TBC1D22A: variants seen among roughly 807,000 people sequenced by gnomAD.
The protein encoded by TBC1D22A is TBC1 domain family member 22A.
A neutral mutation model predicts 60.2 loss-of-function variants in TBC1D22A; 38 were observed. That is an observed-to-expected ratio of 0.63 (90% confidence interval 0.49 to 0.83). The LOEUF is 0.83. Among genes scored for constraint, TBC1D22A ranks in the 40% least tolerant of loss-of-function variants. The pLI is 0.00. For missense variants in TBC1D22A, 628 were observed against 701.0 expected (o/e 0.90, Z 1.18); for synonymous variants, 302 against 281.7 (o/e 1.07, Z -0.72).
chr22:47,015,851 C>T (rs182446917), intron 10 of TBC1D22A, among the ~76,000 whole-genome samples: 1 of 152,314 alleles, frequency 6.6e-6, no homozygotes, highest in African/African-American at 2.4e-5. Context: ...AGCCTGGAGC[C>T]AGGCCAGCCG....
intron 9 of TBC1D22A, among the ~76,000 whole-genome samples, chr22:46,984,405 A>AAAG (rs1569304186): frequency 5.2e-5 from 7 of 135,306 alleles, no homozygotes; most frequent in Non-Finnish European, 9.4e-5. Flanking sequence ...AAAAAAAAAA[A>AAAG]AGAGAAGTTC....
At chr22:46,885,984 T>A (rs1399210884) in intron 5 of TBC1D22A, among the ~76,000 whole-genome samples, 1 of 150,918 alleles carries the variant, frequency 6.6e-6, no homozygotes, top group Non-Finnish European at 1.5e-5. Context: ...CTTGGCTCAC[T>A]GCACGCTCCG....
chr22:46,913,378 A>C, intron 8 of TBC1D22A: 2 of 1,366,466 alleles, frequency 1.5e-6, no homozygotes, highest in Non-Finnish European at 2.0e-6. Flanking sequence ...CCTTGCTGTG[A>C]TCTGGAGAGA....
chr22:46,917,850 C>T (rs556147089), intron 8 of TBC1D22A, among the ~76,000 whole-genome samples: 4 of 152,230 alleles, frequency 2.6e-5, no homozygotes, highest in African/African-American at 9.6e-5. Flanking sequence ...TGGGGCTGTC[C>T]CACAGGGAGG....
At chr22:46,921,228 G>A (rs1230541451) in intron 8 of TBC1D22A, among the ~76,000 whole-genome samples, 1 of 152,102 alleles carries the variant, frequency 6.6e-6, no homozygotes, top group Non-Finnish European at 1.5e-5. Context: ...TCTCGATTCT[G>A]ACCCTCCTCC....
intron 8 of TBC1D22A, chr22:46,914,008 TCA>T (rs1491463978): frequency 1.9e-5 from 3 of 154,784 alleles, no homozygotes; most frequent in Admixed American, 1.3e-4. Flanking sequence ...TGCATCGCCG[TCA>T]CACACGCAGG....
intron 5 of TBC1D22A, 31 bp from the exon 6 acceptor site, chr22:46,891,235 C>T: frequency 6.3e-7 from 1 of 1,588,226 alleles, no homozygotes; most frequent in Non-Finnish European, 8.5e-7. Flanking sequence ...TAGCTATAAC[C>T]ATGTATATTT....
At chr22:46,767,770 G>A (rs2083336085) in intron 1 of TBC1D22A, among the ~76,000 whole-genome samples, 1 of 152,052 alleles carries the variant, frequency 6.6e-6, no homozygotes, top group East Asian at 1.9e-4. Flanking sequence ...GGGAAGAGCG[G>A]TCCTGGCAGA....
intron 4 of TBC1D22A, among the ~76,000 whole-genome samples, chr22:46,875,130 ATGG>A (rs2067492039): frequency 6.6e-6 from 1 of 152,212 alleles, no homozygotes; most frequent in South Asian, 2.1e-4. Flanking sequence ...CAGCCTATTT[ATGG>A]TAAAAATCAG....
Position 47,029,887 on chromosome 22 carries a change from C to T in TBC1D22A, c.1202-7184C>T, listed in dbSNP as rs141389250. ...CTGCTTCCCCCAGAGTGGCCTGGGC[C>T]GGGGCTGCTGCTCGTCCTGGGTCTC... On this transcript the variant is annotated intron_variant, in intron 10 of 12. Transcript: ENST00000337137. Among the ~76,000 whole-genome samples the T allele has an allele frequency of 3.0e-3, 461 of 152,364 alleles. 1 individual carries two copies. The highest frequency in any genetic ancestry group is 0.013 in the South Asian group (65 of 4,830).
intron 7 of TBC1D22A, among the ~76,000 whole-genome samples, chr22:46,903,012 A>G (rs1015688211): frequency 2.0e-5 from 3 of 152,206 alleles, no homozygotes; most frequent in Non-Finnish European, 4.4e-5. Context: ...TCCACTCTGG[A>G]GGGTCATGCC....
Position 46,966,878 on chromosome 22 carries a change from G to A in TBC1D22A, c.1016-7412G>A, listed in dbSNP as rs141210938. Among the ~76,000 whole-genome samples, 10 of 152,328 alleles carry A rather than the reference G, an allele frequency of 6.6e-5. No homozygotes were observed. In the East Asian group the frequency reaches 1.9e-3, roughly 29 times the overall value. ...CTCCTGACTGCGGGTCTGCTTGCGG[G>A]TGGTGGGATGGGAAACAGCTATGCT... On this transcript the variant is annotated intron_variant, in intron 8 of 12. Transcript: ENST00000337137.
At chr22:46,784,023 T>G (rs2084053809) in intron 1 of TBC1D22A, among the ~76,000 whole-genome samples, 1 of 152,224 alleles carries the variant, frequency 6.6e-6, no homozygotes, top group Admixed American at 6.5e-5. Flanking sequence ...CAAAGCAGTT[T>G]AATTCATTAA....
At chr22:46,829,830 G>A (rs2086231442) in intron 4 of TBC1D22A, among the ~76,000 whole-genome samples, 1 of 152,176 alleles carries the variant, frequency 6.6e-6, no homozygotes, top group Admixed American at 6.5e-5. Flanking sequence ...GAGGTTTGGA[G>A]TTCAGTGCCG....
chr22:47,154,485 AAAC>A (rs1303668758), intron 12 of TBC1D22A, among the ~76,000 whole-genome samples: 3 of 151,922 alleles, frequency 2.0e-5, no homozygotes, highest in African/African-American at 7.3e-5. Flanking sequence ...CCCCTTCCTT[AAAC>A]ATCACCTAGT....
chr22:46,916,081 A>C (rs918307532), intron 8 of TBC1D22A: 11 of 390,606 alleles, frequency 2.8e-5, no homozygotes, highest in Non-Finnish European at 4.3e-5. Flanking sequence ...TTGTATTGCA[A>C]CCCCTCTGAC....
chr22:46,812,316 G>T (rs1166264664), intron 4 of TBC1D22A, among the ~76,000 whole-genome samples: 1 of 152,178 alleles, frequency 6.6e-6, no homozygotes, highest in Non-Finnish European at 1.5e-5. Flanking sequence ...CACCAGCGCT[G>T]GCTTCTCTGC....
intron 10 of TBC1D22A, among the ~76,000 whole-genome samples, chr22:47,012,324 C>T (rs1017189977): frequency 1.3e-5 from 2 of 152,174 alleles, no homozygotes; most frequent in Admixed American, 6.5e-5. Flanking sequence ...CACATCCCCC[C>T]AGCCCTCCTG....
intron 4 of TBC1D22A, among the ~76,000 whole-genome samples, chr22:46,823,737 C>T (rs901991201): frequency 3.9e-5 from 6 of 152,232 alleles, no homozygotes; most frequent in South Asian, 2.1e-4. Flanking sequence ...TCTGCTCTGC[C>T]TTCTCCGGAA....
Sources: allele counts gnomAD v4.1 joint callset (sites outside exome capture counted in the v4.1 genomes callset), GRCh38; gene constraint gnomAD v4.1.1; transcripts MANE v1.5; gene names NCBI Gene and HGNC (gene_info 2026-07-23, HGNC 2026-07-21).